AMOTL1: variants seen among roughly 807,000 people sequenced by gnomAD.
The protein encoded by AMOTL1 is angiomotin like 1, also known as angiomotin-like protein 1.
Under a neutral mutation model 102.9 loss-of-function variants are expected in AMOTL1, and 45 were observed. The observed-to-expected ratio is 0.44, with a 90% CI of 0.34 to 0.56. The LOEUF (loss-of-function observed/expected upper bound fraction) is 0.56, where lower values mean the gene tolerates loss of function less well. AMOTL1 is among the 20% of genes least tolerant of loss of function. The pLI is 0.01. For synonymous variants in AMOTL1, 481 were observed against 484.7 expected, an observed-to-expected ratio of 0.99 and a Z score of 0.10; for missense variants, 1,114 against 1,225.6, an observed-to-expected ratio of 0.91 and a Z score of 1.36.
rs188340530 is a variant in AMOTL1 at position 94,814,431 on chromosome 11, T to G, written c.1122-7099T>G. On this transcript the variant is annotated intron_variant, in intron 3 of 12. Transcript: ENST00000433060. ...ACAATGTGCAGGCAGGAGAGAAACT[T>G]CTATTCCTTGGCTCCACTGCTCAGC... 2.0e-5 allele frequency among the ~76,000 whole-genome samples: 3 copies of G among 152,340 alleles called. No individual in the cohort carries two copies. The East Asian group carries it at 5.8e-4, about 29-fold the overall frequency.
intron 1 of AMOTL1, among the ~76,000 whole-genome samples, chr11:94,780,572 G>A (rs540001899): frequency 2.0e-5 from 3 of 152,292 alleles, no homozygotes; most frequent in African/African-American, 7.2e-5. Flanking sequence ...CTATTTTAAA[G>A]AGCTCACTGA....
intron 6 of AMOTL1, among the ~76,000 whole-genome samples, chr11:94,845,577 T>C (rs1952394394): frequency 6.6e-6 from 1 of 152,244 alleles, no homozygotes; most frequent in Admixed American, 6.5e-5. Context: ...TTATGGGTAC[T>C]TATTTTAATC....
At chr11:94,813,668 G>GAAT (rs1281026864) in intron 3 of AMOTL1, among the ~76,000 whole-genome samples, 1 of 152,166 alleles carries the variant, frequency 6.6e-6, no homozygotes, top group African/African-American at 2.4e-5. Context: ...AAGTGCGTGT[G>GAAT]AATATACATG....
chr11:94,864,700 T>C, intron 9 of AMOTL1, 35 bp from the exon 10 acceptor site: 1 of 1,601,586 alleles, frequency 6.2e-7, no homozygotes. Flanking sequence ...GCAAGAAGGT[T>C]TCCTATGATC....
chr11:94,720,535 A>C (rs1012573897), intron 1 of AMOTL1, among the ~76,000 whole-genome samples: 4 of 152,158 alleles, frequency 2.6e-5, no homozygotes, highest in African/African-American at 9.6e-5. Context: ...AGAAGGAGCT[A>C]TTCCAAGCCA....
At chr11:94,740,884 G>A in intron 2 of AMOTL1, 1 of 1,268,320 alleles carries the variant, frequency 7.9e-7, no homozygotes, top group South Asian at 1.2e-5. Context: ...GCTTGTGCGG[G>A]TTCGTCCTGA....
At chr11:94,709,961 A>G (rs1169543225) in intron 1 of AMOTL1, among the ~76,000 whole-genome samples, 4 of 152,182 alleles carry the variant, frequency 2.6e-5, no homozygotes, top group Non-Finnish European at 5.9e-5. Context: ...CAAATGTTTT[A>G]GTTAAAAAGA....
intron 1 of AMOTL1, among the ~76,000 whole-genome samples, chr11:94,777,202 A>G (rs1591954395): frequency 6.6e-6 from 1 of 152,240 alleles, no homozygotes; most frequent in Admixed American, 6.5e-5. Flanking sequence ...CATTGAAGAT[A>G]ATGGCGGTGT....
chr11:94,706,601 A>G (rs891372746), intron 1 of AMOTL1: 1 of 152,216 alleles, frequency 6.6e-6, no homozygotes, highest in African/African-American at 2.4e-5. Context: ...CTCACAGGTA[A>G]GAAAATTCTT....
intron 1 of AMOTL1, among the ~76,000 whole-genome samples, chr11:94,711,600 AT>A (rs1185146025): frequency 6.6e-6 from 1 of 152,126 alleles, no homozygotes; most frequent in East Asian, 1.9e-4. Context: ...TTTTAAAGCC[AT>A]GGTCCCATCC....
chr11:94,813,105 G>A (rs370015617), intron 3 of AMOTL1, among the ~76,000 whole-genome samples: 5 of 152,220 alleles, frequency 3.3e-5, no homozygotes, highest in African/African-American at 1.2e-4. Context: ...TGAAATGTTT[G>A]TGAGCCTGTC....
intron 1 of AMOTL1, among the ~76,000 whole-genome samples, chr11:94,719,360 G>T (rs1950142271): frequency 6.6e-6 from 1 of 151,946 alleles, no homozygotes; most frequent in Non-Finnish European, 1.5e-5. Context: ...AGGGTGTGGG[G>T]TGTATGATAA....
Position 94,870,855 on chromosome 11 carries a change from A to G in AMOTL1, c.*60A>G, listed in dbSNP as rs747764423. 15 of 1,407,908 alleles carry G rather than the reference A, an allele frequency of 1.1e-5. No individual in the cohort carries two copies. The highest frequency in any genetic ancestry group is 1.5e-5 in the Non-Finnish European group (15 of 1,031,560). 87.2% of individuals were successfully genotyped at this position (1,407,908 alleles called of 1,614,324 possible). ...GACAAACAAGGAAAGCGGCAGAGAA[A>G]GAAGAAAGACCTAGAAGGTTGTAGA... is the stretch of plus-strand genomic sequence containing the variant. On this transcript the variant is annotated 3_prime_UTR_variant, in exon 13 of 13. Coordinates refer to ENST00000433060, the MANE Select transcript of AMOTL1 (RefSeq NM_130847.3).
In AMOTL1 at chr11:94,869,223, T is replaced by C; in HGVS notation, c.2514T>C (p.His838=). The change falls in exon 12 of 13, where the codon CAT becomes CAC. Residue 838 remains histidine, a synonymous_variant. Coordinates refer to ENST00000433060, the MANE Select transcript of AMOTL1 (RefSeq NM_130847.3). ...SIGLLLGKEH[H]EHASAPLLPP... ...GATTGCTGCTGGGGAAGGAGCACCA[T>C]GAGCATGCCTCTGCCCCACTGCTGC... 4 of 1,601,642 alleles carry C rather than the reference T, an allele frequency of 2.5e-6. No homozygotes were observed. Among genetic ancestry groups the C allele is most frequent in the Non-Finnish European group, 3.4e-6 (4 of 1,170,764 alleles).
At chr11:94,790,639 A>G (rs1951267699) in intron 1 of AMOTL1, among the ~76,000 whole-genome samples, 1 of 152,210 alleles carries the variant, frequency 6.6e-6, no homozygotes, top group East Asian at 1.9e-4. Flanking sequence ...GACAGCCTTG[A>G]AAACCACAAA....
intron 2 of AMOTL1, among the ~76,000 whole-genome samples, chr11:94,798,818 T>A (rs1379143302): frequency 6.6e-6 from 1 of 152,104 alleles, no homozygotes; most frequent in African/African-American, 2.4e-5. Flanking sequence ...ACCAACCATG[T>A]CAAATGCTTC....
chr11:94,744,936 G>T (rs995416712), intron 3 of AMOTL1, among the ~76,000 whole-genome samples: 3 of 152,020 alleles, frequency 2.0e-5, no homozygotes, highest in Non-Finnish European at 2.9e-5. Flanking sequence ...AAGAAATATG[G>T]TTTTTTAAAT....
chr11:94,853,815 G>A, intron 7 of AMOTL1, 118 bp from the exon 8 acceptor site: 1 of 1,155,534 alleles, frequency 8.7e-7, no homozygotes, highest in Admixed American at 2.1e-5. Context: ...GGCGGTGGGA[G>A]GTACGTGCAC....
At chr11:94,771,534 A>G (rs920243453) in intron 1 of AMOTL1, among the ~76,000 whole-genome samples, 1 of 152,000 alleles carries the variant, frequency 6.6e-6, no homozygotes. Flanking sequence ...TTGCCTAGTG[A>G]TTTTTTTAAA....
Sources: allele counts gnomAD v4.1 joint callset (sites outside exome capture counted in the v4.1 genomes callset), GRCh38; gene constraint gnomAD v4.1.1; transcripts MANE v1.5; gene names NCBI Gene and HGNC (gene_info 2026-07-23, HGNC 2026-07-21).